Variants in C12orf54 observed in about 807,000 individuals in gnomAD.
The protein encoded by C12orf54 is chromosome 12 open reading frame 54, also known as uncharacterized protein C12orf54.
In C12orf54, 24 loss-of-function variants were observed where a neutral mutation model predicts 26.4. That is an observed-to-expected ratio of 0.91 (90% CI 0.66 to 1.28). C12orf54 has a LOEUF of 1.28. C12orf54 is among the 50% of genes most tolerant of loss of function. The pLI is 0.00. For synonymous variants in C12orf54, 54 were observed against 47.0 expected (o/e 1.15, Z -0.61); for missense variants, 154 against 150.9 (o/e 1.02, Z -0.11).
chr12:48,476,309 C>T, the C12orf54 span, among the ~76,000 whole-genome samples: 2 of 152,154 alleles, frequency 1.3e-5, no homozygotes, highest in Non-Finnish European at 2.9e-5. Context: ...TTGTAAAGAC[C>T]ATCCAGGCTA....
In C12orf54 at chr12:48,483,303, C is replaced by T. The variant is rs767545967; in HGVS notation, c.7C>T (p.Gln3Ter). 1.2e-6 allele frequency: 2 copies of T among 1,613,838 alleles called. No homozygotes were observed. Among genetic ancestry groups the T allele is most frequent in the Admixed American group, 1.7e-5 (1 of 59,992 alleles). MA[Q>*]HPCQDQEQKV... is the part of the protein sequence containing the mutation. ...GGTTTCTGTCTGAGAACAAATGGCA[C>T]AGCATCCCTGCCAGGATCAGGAACA... Residue 3 changes from glutamine to a stop codon, truncating the protein, a stop_gained, in exon 2 of 9, where the codon CAG (glutamine) becomes TAG (stop). Coordinates refer to ENST00000548364, the MANE Select transcript of C12orf54 (RefSeq NM_152319.4). LOFTEE classifies it high-confidence loss of function.
chr12:48,430,948 G>A, the C12orf54 span, among the ~76,000 whole-genome samples: 2 of 150,436 alleles, frequency 1.3e-5, no homozygotes, highest in Non-Finnish European at 3.0e-5. Flanking sequence ...ATATATATAC[G>A]ATGGAATACT....
chr12:48,415,525 C>T, the C12orf54 span, among the ~76,000 whole-genome samples: 2 of 152,126 alleles, frequency 1.3e-5, no homozygotes, highest in African/African-American at 4.8e-5. Flanking sequence ...TCTTGAAGCA[C>T]TCTCTTCTCT....
chr12:48,413,563 C>T, the C12orf54 span, among the ~76,000 whole-genome samples: 1 of 152,276 alleles, frequency 6.6e-6, no homozygotes, highest in African/African-American at 2.4e-5. Context: ...GCTGCGCTCC[C>T]GTGGAGTGGG....
the C12orf54 span, among the ~76,000 whole-genome samples, chr12:48,449,825 TC>T: frequency 6.7e-6 from 1 of 150,172 alleles, no homozygotes; most frequent in Non-Finnish European, 1.5e-5. Context: ...CTCAACTATG[TC>T]CCCACCCAAA....
the C12orf54 span, among the ~76,000 whole-genome samples, chr12:48,422,097 A>G: frequency 1.3e-5 from 2 of 152,208 alleles, no homozygotes; most frequent in Non-Finnish European, 2.9e-5. Context: ...AAAACAGTAA[A>G]TGTTGTATTA....
the C12orf54 span, among the ~76,000 whole-genome samples, chr12:48,431,393 A>G: frequency 6.6e-6 from 1 of 152,188 alleles, no homozygotes; most frequent in Non-Finnish European, 1.5e-5. Flanking sequence ...ACTTTGCTGT[A>G]TGTTGGAAAC....
chr12:48,463,718 A>T, the C12orf54 span, among the ~76,000 whole-genome samples: 2 of 152,166 alleles, frequency 1.3e-5, no homozygotes, highest in Non-Finnish European at 2.9e-5. Context: ...AGCATATCAA[A>T]AAGCTTAACC....
At chr12:48,421,717 A>G in the C12orf54 span, among the ~76,000 whole-genome samples, 2 of 151,694 alleles carry the variant, frequency 1.3e-5, no homozygotes, top group African/African-American at 2.4e-5. Context: ...TTTAGTAGAG[A>G]CGGGGTTTCA....
the C12orf54 span, among the ~76,000 whole-genome samples, chr12:48,465,644 CA>C: frequency 2.6e-5 from 4 of 152,110 alleles, no homozygotes; most frequent in Admixed American, 2.6e-4. Flanking sequence ...TTCAAAATAA[CA>C]AAGACATGAA....
At chr12:48,417,040 C>T in the C12orf54 span, 1 of 152,286 alleles carries the variant, frequency 6.6e-6, no homozygotes, top group Non-Finnish European at 1.5e-5. Context: ...CCAGATGCAA[C>T]TCCTCAATCT....
At chr12:48,469,144 C>T in the C12orf54 span, among the ~76,000 whole-genome samples, 1 of 152,212 alleles carries the variant, frequency 6.6e-6, no homozygotes, top group Non-Finnish European at 1.5e-5. Context: ...AACATCTTAA[C>T]AGGAAACAGG....
chr12:48,466,614 A>G, the C12orf54 span, among the ~76,000 whole-genome samples: 1 of 152,104 alleles, frequency 6.6e-6, no homozygotes, highest in Non-Finnish European at 1.5e-5. Flanking sequence ...GCGGAAATGC[A>G]AATTAAAACC....
At chr12:48,439,266 G>A in the C12orf54 span, among the ~76,000 whole-genome samples, 2 of 152,268 alleles carry the variant, frequency 1.3e-5, no homozygotes, top group African/African-American at 4.8e-5. Context: ...TGGAGAGGAT[G>A]TGGAGAAACA....
chr12:48,480,320 T>C (rs868019590), upstream of C12orf54, among the ~76,000 whole-genome samples: 1 of 152,358 alleles, frequency 6.6e-6, no homozygotes, highest in Middle Eastern at 3.4e-3. Context: ...TGGTTTTTTC[T>C]TGTTTATTTG....
chr12:48,468,423 G>A, the C12orf54 span, among the ~76,000 whole-genome samples: 1 of 152,158 alleles, frequency 6.6e-6, no homozygotes, highest in Non-Finnish European at 1.5e-5. Flanking sequence ...TTTGTCCTAA[G>A]CATGATGCAG....
chr12:48,434,507 T>C, the C12orf54 span, among the ~76,000 whole-genome samples: 1 of 152,120 alleles, frequency 6.6e-6, no homozygotes, highest in Non-Finnish European at 1.5e-5. Context: ...CTAGGAGGCA[T>C]CCCCCAGTAG....
At chr12:48,477,802 G>A (rs572060230), upstream of C12orf54, among the ~76,000 whole-genome samples, 16 of 152,212 alleles carry the variant, frequency 1.1e-4, no homozygotes, top group African/African-American at 3.4e-4. Context: ...ATTCACAGCC[G>A]AATTCTACCA....
chr12:48,471,361 G>A, the C12orf54 span, among the ~76,000 whole-genome samples: 2 of 152,062 alleles, frequency 1.3e-5, no homozygotes, highest in African/African-American at 2.4e-5. Flanking sequence ...GGACATTTAG[G>A]TTGCTTCCAA....
Sources: allele counts gnomAD v4.1 joint callset (sites outside exome capture counted in the v4.1 genomes callset), GRCh38; gene constraint gnomAD v4.1.1; transcripts MANE v1.5; gene names NCBI Gene and HGNC (gene_info 2026-07-23, HGNC 2026-07-21).